KCNG2: variants seen among roughly 807,000 people sequenced by gnomAD.
KCNG2 encodes potassium voltage-gated channel modifier subfamily G member 2.
In KCNG2, 7 loss-of-function variants were observed where a neutral mutation model predicts 12.3. The observed-to-expected ratio is 0.57, with a 90% CI of 0.32 to 1.07. KCNG2 has a LOEUF of 1.07. KCNG2 is among the 50% of genes least tolerant of loss of function. KCNG2 has a pLI of 0.04. For synonymous variants in KCNG2, 414 were observed against 351.4 expected (o/e 1.18, Z -1.99); for missense variants, 703 against 726.0 (o/e 0.97, Z 0.36).
chr18:79,813,559 A>T (rs2087507764), intron 1 of KCNG2, among the ~76,000 whole-genome samples: 2 of 152,226 alleles, frequency 1.3e-5, no homozygotes, highest in Non-Finnish European at 2.9e-5. Flanking sequence ...GCGTGGAGGG[A>T]GGATGGAGAA....
intron 3 of KCNG2, among the ~76,000 whole-genome samples, chr18:79,881,006 A>AT (rs1339372057): frequency 6.6e-6 from 1 of 152,242 alleles, no homozygotes; most frequent in East Asian, 1.9e-4. Flanking sequence ...AACAACATAC[A>AT]TAGCAAAAGA....
At chr18:79,819,643 C>T (rs2087556500) in intron 1 of KCNG2, among the ~76,000 whole-genome samples, 1 of 152,246 alleles carries the variant, frequency 6.6e-6, no homozygotes, top group South Asian at 2.1e-4. Context: ...TCACAGCCAG[C>T]AGGCTGCAAT....
intron 3 of KCNG2, among the ~76,000 whole-genome samples, chr18:79,895,497 C>T (rs190964647): frequency 1.3e-5 from 2 of 151,560 alleles, no homozygotes; most frequent in East Asian, 2.0e-4. Context: ...CCATTAATAA[C>T]GATTGATATA....
At chr18:79,853,683 G>A (rs1306410923) in intron 1 of KCNG2, among the ~76,000 whole-genome samples, 1 of 152,250 alleles carries the variant, frequency 6.6e-6, no homozygotes, top group African/African-American at 2.4e-5. Context: ...ATGCCAGGCA[G>A]CCGGTGTCAG....
chr18:79,839,765 G>A (rs368227728), intron 1 of KCNG2, among the ~76,000 whole-genome samples: 9 of 152,270 alleles, frequency 5.9e-5, no homozygotes, highest in Non-Finnish European at 7.4e-5. Context: ...TCAGCAATAC[G>A]TAAAAGGAAT....
chr18:79,874,200 G>A (rs1458445990), intron 3 of KCNG2, among the ~76,000 whole-genome samples: 1 of 152,194 alleles, frequency 6.6e-6, no homozygotes, highest in Non-Finnish European at 1.5e-5. Context: ...TTGGCCGATT[G>A]AAGAAAAGCT....
Position 79,863,874 on chromosome 18 carries a change from C to G in KCNG2, c.207C>G (p.Phe69Leu). ...CDDYDVSRDE[F>L]FFDRSPCAFR... ...ACTACGACGTGAGCCGCGACGAGTT[C>G]TTCTTCGACCGCAGCCCGTGCGCCT... is the stretch of plus-strand genomic sequence containing the variant. The change falls in exon 3 of 4, where the codon TTC (phenylalanine) becomes TTG (leucine). Residue 69 changes from phenylalanine (F) to leucine (L), a missense_variant. By Grantham distance (22) the Phe-to-Leu change is conservative. Coordinates refer to ENST00000316249, the MANE Select transcript of KCNG2 (RefSeq NM_012283.2). 1 of 1,473,160 alleles carries G rather than the reference C, an allele frequency of 6.8e-7. No homozygotes were observed. The allele number at this position is 1,473,160 out of a possible 1,614,324, so 91.3% of individuals were successfully genotyped here.
At chr18:79,846,481 A>G (rs201932603) in intron 1 of KCNG2, among the ~76,000 whole-genome samples, 29 of 76,934 alleles carry the variant, frequency 3.8e-4, no homozygotes. Context: ...GTGAACTCAT[A>G]TGTGTATCAG....
rs1276079953 is a variant in KCNG2, at chr18:79,865,803, TGTGCTGAGAGGTCTGG to T, written c.624+1528_624+1543del. 1.3e-3 allele frequency among the ~76,000 whole-genome samples: 157 copies of T among 119,644 alleles called. 4 individuals are homozygous for T. Among genetic ancestry groups the T allele is most frequent in the African/African-American group, 3.7e-3 (120 of 32,264 alleles). The allele number at this position is 119,644 out of a possible 152,430, so 78.5% of individuals were successfully genotyped here. A position where few individuals can be genotyped will look rare whatever the true frequency, so the allele number is the denominator to read the frequency against. ...AGAAGTCTGGGTGCTGAGAGGTCTG[TGTGCTGAGAGGTCTGG>T]GTGCTGAGAGGTCTGTATGCTGAGA... On this transcript the variant is annotated intron_variant, in intron 3 of 3. Coordinates refer to ENST00000316249, the MANE Select transcript of KCNG2 (RefSeq NM_012283.2).
chr18:79,874,840 G>A (rs910700020), intron 3 of KCNG2, among the ~76,000 whole-genome samples: 12 of 152,176 alleles, frequency 7.9e-5, no homozygotes, highest in East Asian at 3.9e-4. Context: ...CTCCTGCCCC[G>A]TTGGCCAGCG....
intron 1 of KCNG2, among the ~76,000 whole-genome samples, chr18:79,816,711 G>A (rs368534110): frequency 5.9e-5 from 9 of 152,134 alleles, no homozygotes; most frequent in African/African-American, 1.9e-4. Context: ...CGATGTTCTC[G>A]CCGACCTGGC....
intron 1 of KCNG2, among the ~76,000 whole-genome samples, chr18:79,851,352 G>C (rs185557049): frequency 6.6e-6 from 1 of 152,164 alleles, no homozygotes; most frequent in Non-Finnish European, 1.5e-5. Context: ...TTTAGTAAAC[G>C]TTATCAATCT....
At chr18:79,829,537 G>A (rs1008868118) in intron 1 of KCNG2, among the ~76,000 whole-genome samples, 8 of 152,162 alleles carry the variant, frequency 5.3e-5, no homozygotes, top group African/African-American at 9.6e-5. Context: ...CCCTACGGCC[G>A]GTGGGTCTCT....
At position 79,803,531 on chromosome 18, in the gene KCNG2, T is replaced by C. The variant is rs984741671; in HGVS notation, c.-115+5517T>C. Among the ~76,000 whole-genome samples, 1 of 152,044 alleles carries C rather than the reference T, an allele frequency of 6.6e-6. No individual in the cohort carries two copies. The highest frequency in any genetic ancestry group is 2.4e-5 in the African/African-American group (1 of 41,398). On this transcript the variant is annotated intron_variant, in intron 1 of 3. Transcript: ENST00000316249. This position sits in a 1 kb window ranked among gnomAD's most constrained non-coding sequence, Gnocchi z 4.5. Reference sequence around the variant, plus strand: ...GGGTGAAGAAAACAGTGGCTAGGCGTGGGTGTGCAGTGCTGGGGACCGACG... The same window carrying C: ...GGGTGAAGAAAACAGTGGCTAGGCGCGGGTGTGCAGTGCTGGGGACCGACG...
intron 1 of KCNG2, among the ~76,000 whole-genome samples, chr18:79,846,831 C>T (rs934126364): frequency 3.9e-5 from 6 of 152,242 alleles, no homozygotes; most frequent in South Asian, 2.1e-4. Context: ...CCCGTGTCAC[C>T]GCCGAGGTTA....
intron 3 of KCNG2, among the ~76,000 whole-genome samples, chr18:79,893,775 C>T (rs988449641): frequency 1.3e-5 from 2 of 151,398 alleles, no homozygotes; most frequent in African/African-American, 2.4e-5. Flanking sequence ...TTGGGTTGTT[C>T]CCTCCGTTCA....
At chr18:79,820,649 C>G (rs767915455) in intron 1 of KCNG2, among the ~76,000 whole-genome samples, 1 of 152,122 alleles carries the variant, frequency 6.6e-6, no homozygotes, top group Non-Finnish European at 1.5e-5. Context: ...TATTCAAGTT[C>G]TTTGCCCATT....
chr18:79,855,091 C>G (rs1055053509), intron 1 of KCNG2, among the ~76,000 whole-genome samples: 6 of 150,066 alleles, frequency 4.0e-5, no homozygotes, highest in African/African-American at 9.8e-5. Context: ...GTTTTTAATT[C>G]CTTCGTTCAT....
At chr18:79,849,937 C>A (rs1417758504) in intron 1 of KCNG2, among the ~76,000 whole-genome samples, 5 of 151,752 alleles carry the variant, frequency 3.3e-5, no homozygotes, top group African/African-American at 1.2e-4. Flanking sequence ...GAGACCCCAC[C>A]CAGGCTCAGT....
Sources: gnomAD v4.1 joint callset for allele counts (sites outside exome capture counted in the v4.1 genomes callset) on GRCh38, gnomAD v4.1.1 for gene constraint, Gnocchi (gnomAD v3.1) non-coding constraint, MANE v1.5 for transcripts, NCBI Gene and HGNC (gene_info 2026-07-23, HGNC 2026-07-21) for gene names.